KLRG2: variants seen among roughly 807,000 people sequenced by gnomAD.
KLRG2 encodes killer cell lectin like receptor G2, also known as killer cell lectin-like receptor subfamily G member 2.
In KLRG2, 39 loss-of-function variants were observed where a neutral mutation model predicts 35.4. That is an observed-to-expected ratio of 1.10 (90% CI 0.85 to 1.44). The LOEUF is 1.44. Among genes scored for constraint, KLRG2 ranks in the 40% most tolerant of loss-of-function variants. The pLI is 0.00. For synonymous variants in KLRG2, 283 were observed against 265.8 expected, an observed-to-expected ratio of 1.06 and a Z score of -0.63; for missense variants, 632 against 570.9, an observed-to-expected ratio of 1.11 and a Z score of -1.09.
chr7:139,483,476 T>C lies in KLRG2; in HGVS notation c.167A>G (p.Lys56Arg). 1 of 1,592,220 alleles carries C rather than the reference T, an allele frequency of 6.3e-7. No individual in the cohort carries two copies. Among genetic ancestry groups the C allele is most frequent in the Non-Finnish European group, 8.5e-7 (1 of 1,176,786 alleles). The change falls in exon 1 of 5, where the codon AAG becomes AGG. Residue 56 changes from lysine (K) to arginine (R), a missense_variant. Lys to Arg is a conservative substitution (Grantham distance 26). Transcript: ENST00000340940. ...SSPSPAGAVE[K>R]AAGAGLEPSS... ...GGGCTCCAGGCCTGCGCCCGCCGCC[T>C]TCTCCACGGCCCCGGCCGGACTTGG...
chr7:139,450,444 C>T (rs377174730), downstream of KLRG2, among the ~76,000 whole-genome samples: 46 of 152,070 alleles, frequency 3.0e-4, no homozygotes, highest in South Asian at 4.2e-3. Context: ...AGGCTGGTCT[C>T]GAACTCTTGA....
At chr7:139,428,345 G>C in the KLRG2 span, among the ~76,000 whole-genome samples, 9 of 152,104 alleles carry the variant, frequency 5.9e-5, no homozygotes, top group Non-Finnish European at 1.0e-4. Context: ...CTGGACTCAA[G>C]TAATCCTCCT....
chr7:139,451,966 CTTT>C (rs58186917), downstream of KLRG2, among the ~76,000 whole-genome samples: 8 of 117,194 alleles, frequency 6.8e-5, no homozygotes, highest in Non-Finnish European at 6.8e-5. Flanking sequence ...TTTCCATGTC[CTTT>C]TTTTTTTTTT....
chr7:139,445,647 A>T, the KLRG2 span, among the ~76,000 whole-genome samples: 1 of 151,014 alleles, frequency 6.6e-6, no homozygotes. Context: ...ATGCTGTGAG[A>T]CAGGGTGAAA....
chr7:139,433,124 G>A, the KLRG2 span, among the ~76,000 whole-genome samples: 1 of 152,066 alleles, frequency 6.6e-6, no homozygotes, highest in East Asian at 1.9e-4. Context: ...GCTGTTTCTT[G>A]GCTTGCCAAC....
chr7:139,436,677 C>G, the KLRG2 span, among the ~76,000 whole-genome samples: 1 of 152,370 alleles, frequency 6.6e-6, no homozygotes, highest in Non-Finnish European at 1.5e-5. Context: ...CTCTTGGCCT[C>G]TCTAAGGCCC....
chr7:139,428,866 A>G, the KLRG2 span, among the ~76,000 whole-genome samples: 1 of 66,702 alleles, frequency 1.5e-5, no homozygotes, highest in South Asian at 3.8e-4. Flanking sequence ...TCTGCAGCTT[A>G]CTTTTAAATA....
chr7:139,436,190 A>G, the KLRG2 span, among the ~76,000 whole-genome samples: 3 of 152,282 alleles, frequency 2.0e-5, no homozygotes, highest in Non-Finnish European at 2.9e-5. Context: ...AGCATGAGCC[A>G]TTGTGCCTGG....
intron 3 of KLRG2, among the ~76,000 whole-genome samples, chr7:139,469,751 T>A (rs2116460149): frequency 6.6e-6 from 1 of 152,198 alleles, no homozygotes; most frequent in East Asian, 1.9e-4. Flanking sequence ...GCTAATACAG[T>A]AAGATTTGAA....
At chr7:139,478,292 G>A (rs1585177337) in intron 3 of KLRG2, among the ~76,000 whole-genome samples, 1 of 151,572 alleles carries the variant, frequency 6.6e-6, no homozygotes, top group Admixed American at 6.6e-5. Context: ...CTTGAGCCTG[G>A]GAGTTCAAGG....
At chr7:139,435,347 C>T in the KLRG2 span, among the ~76,000 whole-genome samples, 11 of 152,146 alleles carry the variant, frequency 7.2e-5, no homozygotes, top group East Asian at 1.9e-4. Context: ...AAAAATTAGC[C>T]GGCATGGTGG....
downstream of KLRG2, among the ~76,000 whole-genome samples, chr7:139,450,691 A>C (rs146058398): frequency 3.9e-3 from 589 of 152,322 alleles, 4 homozygotes; most frequent in African/African-American, 0.014. Context: ...CAGTTTTAAA[A>C]GTTAACAATT....
rs1202142772 is a variant in KLRG2, at chr7:139,480,187, GC to G, written c.817del (p.Ala273GlnfsTer59). The G allele has an allele frequency of 6.2e-7, 1 of 1,613,826 alleles. No homozygotes were observed. The highest frequency in any genetic ancestry group is 8.5e-7 in the Non-Finnish European group (1 of 1,179,816). ...WALAFMAVLL[A>X]VSGVVIVVLA... Reference sequence around the variant, plus strand: ...GACCACAATGACAACCCCAGAGACTGCCAGGAGCACAGCCATGAACGCCAGG... The same window carrying G: ...GACCACAATGACAACCCCAGAGACTGCAGGAGCACAGCCATGAACGCCAGG... On this transcript the variant is annotated frameshift_variant, in exon 2 of 5. Transcript: ENST00000340940. LOFTEE classifies it high-confidence loss of function.
At chr7:139,449,893 G>A (rs1203139719), downstream of KLRG2, among the ~76,000 whole-genome samples, 14 of 149,540 alleles carry the variant, frequency 9.4e-5, no homozygotes, top group South Asian at 2.1e-4. Context: ...AGTAGAGACA[G>A]GGTTTCATCC....
Position 139,481,732 on chromosome 7 carries a change from T to C in KLRG2, c.757+1154A>G, listed in dbSNP as rs940591210. On this transcript the variant is annotated intron_variant, in intron 1 of 4. Transcript: ENST00000340940. Reference sequence around the variant, plus strand: ...TGAGGTCAGGAGTTCCAGACCAGCCTGGCCAACATGATGAAACCCCCTGTC... The same window carrying C: ...TGAGGTCAGGAGTTCCAGACCAGCCCGGCCAACATGATGAAACCCCCTGTC... 3.3e-5 allele frequency among the ~76,000 whole-genome samples: 5 copies of C among 152,140 alleles called. No homozygotes were observed. The East Asian group carries it at 7.7e-4, about 23-fold the overall frequency.
At chr7:139,460,965 T>C (rs1796558732) in intron 3 of KLRG2, among the ~76,000 whole-genome samples, 1 of 140,534 alleles carries the variant, frequency 7.1e-6, no homozygotes. Flanking sequence ...TCTGTGTCAA[T>C]TGAAAAAAAG....
At chr7:139,428,830 G>T in the KLRG2 span, among the ~76,000 whole-genome samples, 2 of 150,390 alleles carry the variant, frequency 1.3e-5, no homozygotes, top group African/African-American at 5.0e-5. Flanking sequence ...AAGTGCTAAA[G>T]TATTTAAGGA....
intron 2 of KLRG2, 30 bp from the exon 3 acceptor site, chr7:139,479,802 C>A (rs781018099): frequency 6.2e-7 from 1 of 1,605,168 alleles, no homozygotes; most frequent in South Asian, 1.1e-5. Context: ...TGGTGAGCTG[C>A]AGGGTAAGCT....
At chr7:139,473,845 G>A (rs911938376) in intron 3 of KLRG2, among the ~76,000 whole-genome samples, 2 of 151,940 alleles carry the variant, frequency 1.3e-5, no homozygotes, top group African/African-American at 2.4e-5. Context: ...GGTCAAAACA[G>A]TTCTAAAAAT....
Sources: allele counts gnomAD v4.1 joint callset (sites outside exome capture counted in the v4.1 genomes callset), GRCh38; gene constraint gnomAD v4.1.1; transcripts MANE v1.5; gene names NCBI Gene and HGNC (gene_info 2026-07-23, HGNC 2026-07-21).